The following ERICH3 variants were observed in gnomAD, a reference collection of about 807,000 sequenced individuals.
The protein encoded by ERICH3 is glutamate rich 3.
A neutral mutation model predicts 131.1 loss-of-function variants in ERICH3; 126 were observed. The ratio of observed to expected loss-of-function variants is 0.96; its 90% CI spans 0.83 to 1.11. The LOEUF is 1.11. Ranked by LOEUF, ERICH3 falls within the 50% of genes most tolerant of loss-of-function variation. ERICH3 has a pLI of 0.00. For missense variants in ERICH3, 2,050 were observed against 1,810.7 expected (o/e 1.13, Z -2.40); for synonymous variants, 695 against 644.6 (o/e 1.08, Z -1.18).
intron 1 of ERICH3, among the ~76,000 whole-genome samples, chr1:74,657,481 A>G (rs530405327): frequency 3.7e-4 from 56 of 152,328 alleles, no homozygotes; most frequent in African/African-American, 1.3e-3. Context: ...CTGATATCAT[A>G]TAAATGATTT....
rs1646902580 is a variant in ERICH3, at chr1:74,568,833, C to A, written c.*1625G>T. ...CAATACAATCAATAGTCCATGACAGCAGTTTTTGGACATCAGTGTACATCA... is the reference window on the plus strand; with the variant it reads ...CAATACAATCAATAGTCCATGACAGAAGTTTTTGGACATCAGTGTACATCA... On this transcript the variant is annotated 3_prime_UTR_variant, in exon 15 of 15. Coordinates refer to ENST00000326665, the MANE Select transcript of ERICH3 (RefSeq NM_001002912.5). The A allele has an allele frequency of 6.6e-6, 1 of 152,116 alleles. No homozygotes were observed. The highest frequency in any genetic ancestry group is 2.1e-4 in the South Asian group (1 of 4,826). 9.4% of individuals were successfully genotyped at this position (152,116 alleles called of 1,614,324 possible).
intron 11 of ERICH3, among the ~76,000 whole-genome samples, chr1:74,590,879 T>A (rs1434657231): frequency 6.6e-6 from 1 of 152,228 alleles, no homozygotes; most frequent in East Asian, 1.9e-4. Context: ...TGTTGTTTTT[T>A]GAAAGCCATT....
chr1:74,570,616 CA>C lies in ERICH3; in HGVS notation c.*19-178del, dbSNP rs1264942165. On this transcript the variant is annotated intron_variant, in intron 14 of 14. Coordinates refer to ENST00000326665, the MANE Select transcript of ERICH3 (RefSeq NM_001002912.5). ...AATATTTTACGTATAGAATGTAAAA[CA>C]TTTTATATATGTAAAAACTTTGCGA... Among the ~76,000 whole-genome samples the C allele has an allele frequency of 2.0e-5, 3 of 152,282 alleles. No individual in the cohort carries two copies. The East Asian group carries it at 5.8e-4, about 29-fold the overall frequency.
intron 12 of ERICH3, among the ~76,000 whole-genome samples, chr1:74,588,838 C>T (rs1313082863): frequency 6.6e-6 from 1 of 152,070 alleles, no homozygotes. Flanking sequence ...CCTGACACTC[C>T]TTACTGTTTC....
At chr1:74,658,738 C>A (rs1379629380) in intron 1 of ERICH3, among the ~76,000 whole-genome samples, 1 of 152,054 alleles carries the variant, frequency 6.6e-6, no homozygotes, top group Non-Finnish European at 1.5e-5. Flanking sequence ...GATCATCTTA[C>A]CAGTGTGTTG....
intron 1 of ERICH3, among the ~76,000 whole-genome samples, chr1:74,659,716 T>C (rs1209770698): frequency 6.6e-6 from 1 of 152,186 alleles, no homozygotes; most frequent in Admixed American, 6.5e-5. Flanking sequence ...ATGTATCAGA[T>C]TATTATCCCA....
At chr1:74,627,040 A>G (rs1401253939) in intron 7 of ERICH3, among the ~76,000 whole-genome samples, 3 of 152,202 alleles carry the variant, frequency 2.0e-5, no homozygotes. Flanking sequence ...ATTTATGTGT[A>G]AATTAGTCAC....
chr1:74,568,237 T>C lies in ERICH3; in HGVS notation c.*2221A>G, dbSNP rs1255373583. On this transcript the variant is annotated 3_prime_UTR_variant, in exon 15 of 15. Transcript: ENST00000326665. ...AGAGAAAGAATTCACTTATTCAAAA[T>C]ATCACAATACTGAATTTCACAGTTA... is the stretch of plus-strand genomic sequence containing the variant. The C allele has an allele frequency of 6.6e-6, 1 of 152,194 alleles. No individual in the cohort carries two copies. The highest frequency in any genetic ancestry group is 2.4e-5 in the African/African-American group (1 of 41,452). 9.4% of individuals were successfully genotyped at this position (152,194 alleles called of 1,614,324 possible).
At chr1:74,615,882 AC>A (rs1318307738) in intron 8 of ERICH3, among the ~76,000 whole-genome samples, 1 of 152,128 alleles carries the variant, frequency 6.6e-6, no homozygotes, top group African/African-American at 2.4e-5. Context: ...AAGGAGAAAA[AC>A]CTTTCGCCTG....
chr1:74,632,740 T>G (rs1488209972), intron 6 of ERICH3, among the ~76,000 whole-genome samples: 1 of 151,978 alleles, frequency 6.6e-6, no homozygotes, highest in East Asian at 1.9e-4. Context: ...TCATATGGTA[T>G]GACCATAAAT....
intron 11 of ERICH3, among the ~76,000 whole-genome samples, chr1:74,594,001 A>T (rs1647726966): frequency 1.3e-5 from 2 of 152,036 alleles, no homozygotes. Flanking sequence ...TCTCTTTCAA[A>T]AATCAGAACT....
rs1460532082 is a variant in ERICH3, at chr1:74,568,993, A to G, written c.*1465T>C. ...TGCTGATGCTTCTGATCAAGGGACC[A>G]GTCTACTATCTGGTCCAGTGTATTT... On this transcript the variant is annotated 3_prime_UTR_variant, in exon 15 of 15. Coordinates refer to ENST00000326665, the MANE Select transcript of ERICH3 (RefSeq NM_001002912.5). 1 of 152,170 alleles carries G rather than the reference A, an allele frequency of 6.6e-6. No homozygotes were observed. The highest frequency in any genetic ancestry group is 1.5e-5 in the Non-Finnish European group (1 of 68,028). 9.4% of individuals were successfully genotyped at this position (152,170 alleles called of 1,614,324 possible).
At chr1:74,662,825 C>A (rs1189224661) in intron 1 of ERICH3, among the ~76,000 whole-genome samples, 3 of 152,056 alleles carry the variant, frequency 2.0e-5, no homozygotes, top group African/African-American at 2.4e-5. Flanking sequence ...TGAAATTATA[C>A]CATGTTTTTA....
Position 74,672,114 on chromosome 1 carries a change from T to C in ERICH3, c.23+1383A>G, listed in dbSNP as rs142017057. On this transcript the variant is annotated intron_variant, in intron 1 of 14. Transcript: ENST00000326665. ...GCTACATTTTTCTCACATTTTAAAA[T>C]AGATTATTAAATGGTCTAATCAGAT... Among the ~76,000 whole-genome samples the C allele has an allele frequency of 1.3e-3, 192 of 152,336 alleles. 1 individual carries two copies. Among genetic ancestry groups the C allele is most frequent in the African/African-American group, 4.5e-3 (188 of 41,586 alleles).
chr1:74,672,626 C>T (rs1646752151), intron 1 of ERICH3, among the ~76,000 whole-genome samples: 1 of 152,010 alleles, frequency 6.6e-6, no homozygotes, highest in Non-Finnish European at 1.5e-5. Context: ...GCAATAAATG[C>T]AATTAAAAAG....
In ERICH3 at chr1:74,631,882, T is replaced by C. The variant is rs779575463; in HGVS notation, c.650A>G (p.Gln217Arg). Residue 217 changes from glutamine (Q) to arginine (R), a missense_variant, in exon 7 of 15, where the codon CAG (glutamine) becomes CGG (arginine). Gln to Arg is a conservative substitution (Grantham distance 43). Transcript: ENST00000326665. ...TGGAAGTTGATATGAATTCATTCTCTGTGAATTGCCTATGGAGTTCCTGAA... is the reference window on the plus strand; with the variant it reads ...TGGAAGTTGATATGAATTCATTCTCCGTGAATTGCCTATGGAGTTCCTGAA... ...MKFRNSIGNSQRMNSYQLPNI... is the reference protein window; with the variant it reads ...MKFRNSIGNSRRMNSYQLPNI... The C allele has an allele frequency of 6.2e-7, 1 of 1,613,506 alleles. No individual in the cohort carries two copies. The highest frequency in any genetic ancestry group is 1.7e-5 in the Admixed American group (1 of 59,968).
chr1:74,572,943 T>G lies in ERICH3; in HGVS notation c.2767A>C (p.Arg923=), dbSNP rs749560105. 5.6e-6 allele frequency: 9 copies of G among 1,613,974 alleles called. No individual in the cohort carries two copies. Among genetic ancestry groups the G allele is most frequent in the Admixed American group, 1.7e-5 (1 of 59,996 alleles). ...CCCTCCTCCGATGTCGCTGCCTCTC[T>G]CAGGGCTGCTACTTCATGAAGATGC... ...LEHLHEVAAL[R]EAATSEEGEA... Residue 923 remains arginine (R), a synonymous_variant, in exon 14 of 15, where the codon AGA becomes CGA. Coordinates refer to ENST00000326665, the MANE Select transcript of ERICH3 (RefSeq NM_001002912.5).
chr1:74,662,034 T>G (rs1469784322), intron 1 of ERICH3, among the ~76,000 whole-genome samples: 1 of 152,188 alleles, frequency 6.6e-6, no homozygotes, highest in Non-Finnish European at 1.5e-5. Flanking sequence ...AGTGTTCCCA[T>G]TTTTTGCCCA....
At position 74,573,225 on chromosome 1, in the gene ERICH3, T is replaced by A; in HGVS notation, c.2485A>T (p.Arg829Trp). 6.2e-7 allele frequency: 1 copy of A among 1,611,194 alleles called. No individual in the cohort carries two copies. The highest frequency in any genetic ancestry group is 8.5e-7 in the Non-Finnish European group (1 of 1,178,542). The stretch of plus-strand genomic sequence containing the variant: ...CTTTCTATGCCTGGAGGGATCTCCC[T>A]TTTTTCTGTAAACTCTTCTGCCAAT... ...PELAEEFTEKREIPPGIERGA... is the reference protein window; with the variant it reads ...PELAEEFTEKWEIPPGIERGA... Residue 829 changes from arginine to tryptophan, a missense_variant, in exon 14 of 15, where the codon AGG becomes TGG. By Grantham distance (101) the Arg-to-Trp change is moderately radical. Transcript: ENST00000326665.
Sources: gnomAD v4.1 joint callset for allele counts (sites outside exome capture counted in the v4.1 genomes callset) on GRCh38, gnomAD v4.1.1 for gene constraint, MANE v1.5 for transcripts, NCBI Gene and HGNC (gene_info 2026-07-23, HGNC 2026-07-21) for gene names.